Variants in P2RX2 observed in about 807,000 individuals in gnomAD.
P2RX2 encodes P2X purinoceptor 2.
Under a neutral mutation model 54.8 loss-of-function variants are expected in P2RX2, and 50 were observed. That is an observed-to-expected ratio of 0.91 (90% confidence interval 0.73 to 1.15). The LOEUF (loss-of-function observed/expected upper bound fraction) is 1.15. Ranked by LOEUF, P2RX2 falls within the 50% of genes most tolerant of loss-of-function variation. The pLI, the probability that P2RX2 is intolerant of heterozygous loss-of-function variation, is 0.00. For synonymous variants in P2RX2, 289 were observed against 259.4 expected, an observed-to-expected ratio of 1.11 and a Z score of -1.09; for missense variants, 658 against 633.2, an observed-to-expected ratio of 1.04 and a Z score of -0.42.
chr12:132,619,353 G>A (rs772855276), intron 1 of P2RX2, 86 bp from the exon 2 acceptor site: 15 of 1,496,028 alleles, frequency 1.0e-5, no homozygotes, highest in Non-Finnish European at 1.4e-5. Flanking sequence ...GCGGACCCGG[G>A]TCGCGGGAGG....
intron 1 of P2RX2, 120 bp from the exon 2 acceptor site, chr12:132,619,319 G>A (rs2041534392): frequency 9.1e-7 from 1 of 1,098,118 alleles, no homozygotes; most frequent in African/African-American, 1.7e-5. Flanking sequence ...GAGGGCGCGG[G>A]GCAGGCCCCA....
Position 132,620,532 on chromosome 12 carries a change from G to T in P2RX2, c.723G>T (p.Leu241=). The change falls in exon 7 of 11, where the codon CTG becomes CTT. Residue 241 remains leucine, a synonymous_variant. Coordinates refer to ENST00000643471, the MANE Select transcript of P2RX2 (RefSeq NM_170682.4). ...ASDLYCPIFK[L]GFIVEKAGES... ...ACCTCTACTGCCCCATCTTCAAGCT[G>T]GGCTTTATCGTGGAGAAGGCTGGGG... The T allele has an allele frequency of 6.2e-7, 1 of 1,613,954 alleles. No homozygotes were observed. Among genetic ancestry groups the T allele is most frequent in the East Asian group, 2.2e-5 (1 of 44,870 alleles).
At position 132,622,081 on chromosome 12, in the gene P2RX2, G is replaced by A. The variant is rs951199957; in HGVS notation, c.*109G>A. 5.9e-5 allele frequency: 91 copies of A among 1,552,294 alleles called. No homozygotes were observed. The highest frequency in any genetic ancestry group is 5.4e-4 in the Middle Eastern group (3 of 5,548). On this transcript the variant is annotated 3_prime_UTR_variant, in exon 11 of 11. Coordinates refer to ENST00000643471, the MANE Select transcript of P2RX2 (RefSeq NM_170682.4). ...CACCTCAGTAGCGGAGCATCTCCAC[G>A]AAACGGGGCACCACAGGATCCCTGT...
chr12:132,621,209 G>C, intron 8 of P2RX2, 46 bp from the exon 9 acceptor site: 1 of 1,613,944 alleles, frequency 6.2e-7, no homozygotes, highest in Non-Finnish European at 8.5e-7. Flanking sequence ...CTGTGGGGCA[G>C]CCCTGGAGTG....
chr12:132,621,902 T>C lies in P2RX2; in HGVS notation c.1346T>C (p.Val449Ala), dbSNP rs2138402903. The change falls in exon 11 of 11, where the codon GTG becomes GCG. Residue 449 changes from valine to alanine, a missense_variant. By Grantham distance (64) the Val-to-Ala change is moderately conservative. Coordinates refer to ENST00000643471, the MANE Select transcript of P2RX2 (RefSeq NM_170682.4). The stretch of plus-strand genomic sequence containing the variant: ...ATCTCTGCCCCTTCTGAGCAGATGG[T>C]GGACACTCCTGCCTCCGAGCCTGCC... ...CPISAPSEQM[V>A]DTPASEPAQA... 1.2e-6 allele frequency: 2 copies of C among 1,613,656 alleles called. No individual in the cohort carries two copies. Among genetic ancestry groups the C allele is most frequent in the East Asian group, 4.5e-5 (2 of 44,874 alleles).
intron 7 of P2RX2, 77 bp downstream of exon 7, chr12:132,620,660 G>A: frequency 6.7e-7 from 1 of 1,487,978 alleles, no homozygotes; most frequent in Non-Finnish European, 9.2e-7. Context: ...CAGGGGACCA[G>A]TCCCTCCTCC....
chr12:132,619,330 A>G, intron 1 of P2RX2, 109 bp from the exon 2 acceptor site: 2 of 1,147,162 alleles, frequency 1.7e-6, no homozygotes, highest in Non-Finnish European at 1.2e-6. Flanking sequence ...GCAGGCCCCA[A>G]GAGCCCCGCA....
chr12:132,619,935 C>T lies in P2RX2; in HGVS notation c.457+16C>T. 1.3e-6 allele frequency: 1 copy of T among 791,296 alleles called. No homozygotes were observed. The highest frequency in any genetic ancestry group is 2.0e-6 in the Non-Finnish European group (1 of 489,704). The allele number at this position is 791,296 out of a possible 1,614,324, so 49.0% of individuals were successfully genotyped here. On this transcript the variant is annotated intron_variant, in intron 4 of 10. Coordinates refer to ENST00000643471, the MANE Select transcript of P2RX2 (RefSeq NM_170682.4). ...CTGGGAAACGGTCGGTGTGCGCCAG[C>T]TGGGGCTGGGCGGGTGGGGCAGGGC...
chr12:132,622,320 C>G lies in P2RX2; in HGVS notation c.*348C>G. On this transcript the variant is annotated 3_prime_UTR_variant, in exon 11 of 11. Transcript: ENST00000643471. Reference sequence around the variant, plus strand: ...CCACCCCACCCCACAGGCGTTGTAACCTTGAATCTGCCCAGACTCTTCCCT... The same window carrying G: ...CCACCCCACCCCACAGGCGTTGTAAGCTTGAATCTGCCCAGACTCTTCCCT... The G allele has an allele frequency of 1.2e-6, 1 of 841,246 alleles. No individual in the cohort carries two copies. The highest frequency in any genetic ancestry group is 1.6e-6 in the Non-Finnish European group (1 of 635,612). 52.1% of individuals were successfully genotyped at this position (841,246 alleles called of 1,614,324 possible).
Position 132,621,603 on chromosome 12 carries a change from T to C in P2RX2, c.1063-16T>C. On this transcript the variant is annotated splice_polypyrimidine_tract_variant and intron_variant, in intron 10 of 10. Coordinates refer to ENST00000643471, the MANE Select transcript of P2RX2 (RefSeq NM_170682.4). ...GGTCCACCAGGCCCTTACACACCGG[T>C]CTCTGCTGGCCCCAGGGCTCCTTCC... 6.2e-7 allele frequency: 1 copy of C among 1,612,106 alleles called. No individual in the cohort carries two copies. The highest frequency in any genetic ancestry group is 8.5e-7 in the Non-Finnish European group (1 of 1,179,032).
At chr12:132,620,190 G>A (rs2041594567) in intron 5 of P2RX2, 77 bp from the exon 6 acceptor site, 2 of 1,504,466 alleles carry the variant, frequency 1.3e-6, no homozygotes, top group South Asian at 2.3e-5. Context: ...GACAAGATCT[G>A]GGGAGGGGTG....
Position 132,622,251 on chromosome 12 carries a change from T to C in P2RX2, c.*279T>C. On this transcript the variant is annotated 3_prime_UTR_variant, in exon 11 of 11. Coordinates refer to ENST00000643471, the MANE Select transcript of P2RX2 (RefSeq NM_170682.4). ...CACCTGGAACCCAAGCCAGCTGAGCTCTGAGGGGCTCTGCTCCCGGTCTTG... is the reference window on the plus strand; with the variant it reads ...CACCTGGAACCCAAGCCAGCTGAGCCCTGAGGGGCTCTGCTCCCGGTCTTG... 3.0e-6 allele frequency: 4 copies of C among 1,353,088 alleles called. No individual in the cohort carries two copies. Among genetic ancestry groups the C allele is most frequent in the Non-Finnish European group, 3.8e-6 (4 of 1,054,482 alleles). The allele number at this position is 1,353,088 out of a possible 1,614,324, so 83.8% of individuals were successfully genotyped here.
intron 3 of P2RX2, 34 bp from the exon 4 acceptor site, chr12:132,619,810 T>C: frequency 6.2e-7 from 1 of 1,610,354 alleles, no homozygotes; most frequent in Non-Finnish European, 8.5e-7. Context: ...AGCTGTCCCT[T>C]GCGGGGTCCC....
chr12:132,621,087 G>A lies in P2RX2; in HGVS notation c.861G>A (p.Arg287=), dbSNP rs146838298. ...GCAACCCCAAGTACTCCTTCCGGAGGCTTGACCCCAAGCACGTGCCTGCCT... is the reference window on the plus strand; with the variant it reads ...GCAACCCCAAGTACTCCTTCCGGAGACTTGACCCCAAGCACGTGCCTGCCT... ...SECNPKYSFR[R]LDPKHVPASS... The change falls in exon 8 of 11, where the codon AGG becomes AGA. Residue 287 remains arginine (R), a synonymous_variant. Coordinates refer to ENST00000643471, the MANE Select transcript of P2RX2 (RefSeq NM_170682.4). The A allele has an allele frequency of 6.2e-7, 1 of 1,614,138 alleles. No individual in the cohort carries two copies. Among genetic ancestry groups the A allele is most frequent in the Non-Finnish European group, 8.5e-7 (1 of 1,180,000 alleles).
rs377716077 is a variant in P2RX2 at position 132,621,061 on chromosome 12, T to C, written c.835T>C (p.Cys279Arg). Residue 279 changes from cysteine (C) to arginine (R), a missense_variant, in exon 8 of 11, where the codon TGC becomes CGC. Physicochemically the swap from Cys to Arg is radical, Grantham distance 180 (BLOSUM62 -3). Transcript: ENST00000643471. ...TGACCTGGACCTGCCTGCATCGGAGTGCAACCCCAAGTACTCCTTCCGGAG... is the reference window on the plus strand; with the variant it reads ...TGACCTGGACCTGCCTGCATCGGAGCGCAACCCCAAGTACTCCTTCCGGAG... ...DCDLDLPASE[C>R]NPKYSFRRLD... 14 of 1,614,012 alleles carry C rather than the reference T, an allele frequency of 8.7e-6. No individual in the cohort carries two copies. Among genetic ancestry groups the C allele is most frequent in the Non-Finnish European group, 9.3e-6 (11 of 1,179,986 alleles).
intron 9 of P2RX2, 37 bp downstream of exon 9, chr12:132,621,382 C>T (rs1313794697): frequency 1.2e-6 from 2 of 1,612,814 alleles, no homozygotes; most frequent in African/African-American, 2.7e-5. Flanking sequence ...GCCAGCCCTG[C>T]TAGCCTGGGT....
intron 7 of P2RX2, 74 bp downstream of exon 7, chr12:132,620,657 C>A: frequency 1.1e-5 from 16 of 1,491,790 alleles, no homozygotes; most frequent in Non-Finnish European, 1.5e-5. Flanking sequence ...GTACAGGGGA[C>A]CAGTCCCTCC....
chr12:132,621,696 GGTGT>G lies in P2RX2; in HGVS notation c.1143_1146del (p.Cys382ArgfsTer11). The stretch of plus-strand genomic sequence containing the variant: ...TCTACAGCCATAAGAAATTTGACAA[GGTGT>G]GTACGCCGAGCCACCCCTCAGGTAG... On this transcript the variant is annotated frameshift_variant, in exon 11 of 11. Transcript: ENST00000643471. LOFTEE classifies it high-confidence loss of function. 1 of 1,613,726 alleles carries G rather than the reference GGTGT, an allele frequency of 6.2e-7. No individual in the cohort carries two copies. The highest frequency in any genetic ancestry group is 8.5e-7 in the Non-Finnish European group (1 of 1,179,862).
intron 3 of P2RX2, 43 bp downstream of exon 3, chr12:132,619,793 G>A (rs1244147653): frequency 2.5e-6 from 4 of 1,609,956 alleles, no homozygotes; most frequent in African/African-American, 1.3e-5. Flanking sequence ...CCTCAGCTAG[G>A]CGGGCCAGCT....
Sources: allele counts gnomAD v4.1 joint callset, GRCh38; gene constraint gnomAD v4.1.1; transcripts MANE v1.5; gene names NCBI Gene and HGNC (gene_info 2026-07-23, HGNC 2026-07-21).